FGD5: variants seen among roughly 807,000 people sequenced by gnomAD.
FGD5 encodes the protein FYVE, RhoGEF and PH domain containing 5.
Under a neutral mutation model 133.4 loss-of-function variants are expected in FGD5, and 28 were observed. The observed-to-expected ratio is 0.21, with a 90% CI of 0.16 to 0.29. FGD5 has a LOEUF of 0.29. FGD5 is among the 10% of genes least tolerant of loss of function. The pLI, the probability that FGD5 is intolerant of heterozygous loss-of-function variation, is 1.00. For synonymous variants in FGD5, 810 were observed against 776.5 expected (o/e 1.04, Z -0.72); for missense variants, 1,858 against 1,895.2 (o/e 0.98, Z 0.36).
At chr3:14,813,214 CA>C (rs1057338707) in intron 1 of FGD5, among the ~76,000 whole-genome samples, 4 of 152,088 alleles carry the variant, frequency 2.6e-5, no homozygotes, top group African/African-American at 9.7e-5. Context: ...ATCATTTTAC[CA>C]AAAAGGAAAC....
At position 14,820,881 on chromosome 3, in the gene FGD5, A is replaced by T; in HGVS notation, c.1810A>T (p.Ser604Cys). The T allele has an allele frequency of 6.2e-7, 1 of 1,613,714 alleles. No individual in the cohort carries two copies. Reference protein sequence around the residue: ...SFSQRNHLPSSGTSTPSSMVD... With the variant: ...SFSQRNHLPSCGTSTPSSMVD... ...CTCCCAGAGAAACCACCTTCCGTCC[A>T]GCGGCACCTCCACGCCTTCTTCCAT... The change falls in exon 1 of 20, where the codon AGC becomes TGC. Residue 604 changes from serine to cysteine, a missense_variant. Physicochemically the swap from Ser to Cys is moderately radical, Grantham distance 112 (BLOSUM62 -1). This residue lies in a region of FGD5 where 1,824 missense variants were observed against 1,848.9 expected (regional missense o/e 0.99). Transcript: ENST00000285046.
chr3:14,906,397 C>T (rs759155913), intron 9 of FGD5, among the ~76,000 whole-genome samples: 1 of 152,232 alleles, frequency 6.6e-6, no homozygotes. Flanking sequence ...AAGGGGTTAT[C>T]GCCCCCGTCC....
Position 14,820,725 on chromosome 3 carries a change from T to C in FGD5, c.1654T>C (p.Ser552Pro), listed in dbSNP as rs760879558. The change falls in exon 1 of 20, where the codon TCC becomes CCC. Residue 552 changes from serine (S) to proline (P), a missense_variant. Physicochemically the swap from Ser to Pro is moderately conservative, Grantham distance 74 (BLOSUM62 -1). Transcript: ENST00000285046. ...CTTTACTTTATACCCTCGGTCGTTC[T>C]CCGTGGAAGGCCGAGAGATTCCAGT... ...RAFTLYPRSF[S>P]VEGREIPVSV... 51 of 1,603,944 alleles carry C rather than the reference T, an allele frequency of 3.2e-5. No homozygotes were observed. The highest frequency in any genetic ancestry group is 6.8e-6 in the Non-Finnish European group (8 of 1,176,364).
chr3:14,885,491 C>T (rs2037909636), intron 4 of FGD5, among the ~76,000 whole-genome samples: 1 of 152,178 alleles, frequency 6.6e-6, no homozygotes, highest in African/African-American at 2.4e-5. Flanking sequence ...ATCATATAGC[C>T]TCCAGCGGAA....
At chr3:14,876,941 C>G (rs1005461781) in intron 2 of FGD5, among the ~76,000 whole-genome samples, 6 of 152,226 alleles carry the variant, frequency 3.9e-5, no homozygotes, top group Non-Finnish European at 8.8e-5. Context: ...CCAGAATAGC[C>G]AAGTGTTGAA....
At chr3:14,887,743 C>T (rs557077579) in intron 4 of FGD5, among the ~76,000 whole-genome samples, 1 of 151,878 alleles carries the variant, frequency 6.6e-6, no homozygotes, top group African/African-American at 2.4e-5. Flanking sequence ...GGCATCCAGC[C>T]CAGTCTTCTT....
At chr3:14,854,392 TA>T (rs1177671092) in intron 1 of FGD5, among the ~76,000 whole-genome samples, 4 of 61,518 alleles carry the variant, frequency 6.5e-5, no homozygotes, top group Non-Finnish European at 1.3e-4. Flanking sequence ...CTTTTCTTTT[TA>T]TTTATTTATT....
At chr3:14,846,402 CGTG>C (rs1219284750) in intron 1 of FGD5, among the ~76,000 whole-genome samples, 1 of 152,162 alleles carries the variant, frequency 6.6e-6, no homozygotes, top group Non-Finnish European at 1.5e-5. Context: ...TTTCTATTGT[CGTG>C]GTCTCTGTCC....
In FGD5 at chr3:14,897,679, C is replaced by G. The variant is rs182966141; in HGVS notation, c.2909+10C>G. On this transcript the variant is annotated intron_variant, in intron 5 of 19. Coordinates refer to ENST00000285046, the MANE Select transcript of FGD5 (RefSeq NM_152536.4). Reference sequence around the variant, plus strand: ...AAAGGCTGTCAAATTGGTGAGCAGTCCCTGGACCCCCGGGTTCCACTTTTG... The same window carrying G: ...AAAGGCTGTCAAATTGGTGAGCAGTGCCTGGACCCCCGGGTTCCACTTTTG... The G allele has an allele frequency of 7.0e-4, 1,117 of 1,591,010 alleles. 7 individuals carry two copies. The African/African-American group carries it at 0.014, about 20-fold the overall frequency.
chr3:14,914,732 C>T (rs186518640), intron 11 of FGD5, among the ~76,000 whole-genome samples: 151 of 152,340 alleles, frequency 9.9e-4, no homozygotes, highest in Admixed American at 1.7e-3. Flanking sequence ...GCTCCACTAC[C>T]TGCTAGCTGT....
chr3:14,849,444 G>C (rs1034358224), intron 1 of FGD5, among the ~76,000 whole-genome samples: 3 of 152,182 alleles, frequency 2.0e-5, no homozygotes, highest in African/African-American at 7.2e-5. Context: ...TTGTGGTTTT[G>C]TCTGAGAGAG....
chr3:14,835,048 G>A (rs1054118899), intron 1 of FGD5, among the ~76,000 whole-genome samples: 1 of 152,164 alleles, frequency 6.6e-6, no homozygotes, highest in Non-Finnish European at 1.5e-5. Flanking sequence ...CAGACAGTCC[G>A]AAATCCCAGA....
chr3:14,830,453 AC>A (rs2036684893), intron 1 of FGD5, among the ~76,000 whole-genome samples: 1 of 121,888 alleles, frequency 8.2e-6, no homozygotes, highest in South Asian at 2.7e-4. Context: ...TGATATTAAG[AC>A]CCCCAACTAT....
At chr3:14,912,012 G>A (rs1360184259) in intron 11 of FGD5, among the ~76,000 whole-genome samples, 2 of 152,064 alleles carry the variant, frequency 1.3e-5, no homozygotes, top group Admixed American at 1.3e-4. Context: ...AAGGGCCTAA[G>A]CAGAGGATAG....
At chr3:14,915,332 G>A (rs943891756) in intron 11 of FGD5, among the ~76,000 whole-genome samples, 3 of 152,232 alleles carry the variant, frequency 2.0e-5, no homozygotes, top group African/African-American at 7.2e-5. Context: ...TCTATCCAGG[G>A]AAAAGAAGTA....
chr3:14,927,904 A>C (rs1036902987), intron 18 of FGD5, among the ~76,000 whole-genome samples: 16 of 149,678 alleles, frequency 1.1e-4, no homozygotes, highest in Non-Finnish European at 1.5e-4. Context: ...AGCTGGGACC[A>C]CAAGTGTGTG....
chr3:14,824,009 A>G (rs190375987), intron 1 of FGD5, among the ~76,000 whole-genome samples: 1 of 152,354 alleles, frequency 6.6e-6, no homozygotes, highest in East Asian at 1.9e-4. Context: ...GTTTGATGCT[A>G]CAGCCTAGGG....
At chr3:14,864,592 G>A (rs1423822062) in intron 2 of FGD5, among the ~76,000 whole-genome samples, 2 of 152,218 alleles carry the variant, frequency 1.3e-5, no homozygotes, top group African/African-American at 4.8e-5. Context: ...TGGACACCCT[G>A]GGCCTCAGTT....
chr3:14,812,008 G>A (rs1287146470), intron 1 of FGD5, among the ~76,000 whole-genome samples: 1 of 76,552 alleles, frequency 1.3e-5, no homozygotes, highest in Non-Finnish European at 2.5e-5. Context: ...GCTGGTGTGT[G>A]TGTGTGTGTG....
Sources: allele counts gnomAD v4.1 joint callset (sites outside exome capture counted in the v4.1 genomes callset), GRCh38; gene constraint gnomAD v4.1.1; regional missense constraint gnomAD v4.1.1; transcripts MANE v1.5; gene names NCBI Gene and HGNC (gene_info 2026-07-23, HGNC 2026-07-21).